ARL13B: variants seen among roughly 807,000 people sequenced by gnomAD.
ARL13B encodes the protein ARF like GTPase 13B.
In ARL13B, 36 loss-of-function variants were observed where a neutral mutation model predicts 56.1. The ratio of observed to expected loss-of-function variants is 0.64; its 90% confidence interval spans 0.49 to 0.85. The LOEUF (loss-of-function observed/expected upper bound fraction) is 0.85. Among genes scored for constraint, ARL13B ranks in the 40% least tolerant of loss-of-function variants. The pLI, the probability that ARL13B is intolerant of heterozygous loss-of-function variation, is 0.00. For missense variants in ARL13B, 519 were observed against 507.1 expected, an observed-to-expected ratio of 1.02 and a Z score of -0.23; for synonymous variants, 178 against 171.1, an observed-to-expected ratio of 1.04 and a Z score of -0.32.
intron 3 of ARL13B, among the ~76,000 whole-genome samples, chr3:94,022,322 T>C (rs1278371610): frequency 2.6e-5 from 4 of 151,814 alleles, no homozygotes; most frequent in Admixed American, 2.6e-4. Context: ...GATGGGGTTT[T>C]ACCATGTTGG....
At chr3:94,020,133 A>G (rs1368147878) in intron 3 of ARL13B, among the ~76,000 whole-genome samples, 2 of 152,166 alleles carry the variant, frequency 1.3e-5, no homozygotes, top group African/African-American at 4.8e-5. Flanking sequence ...TCATTCTGGT[A>G]CCTCATAGAG....
chr3:94,036,854 T>A, intron 5 of ARL13B, 100 bp downstream of exon 5: 1 of 1,336,686 alleles, frequency 7.5e-7, no homozygotes, highest in Non-Finnish European at 1.0e-6. Context: ...TTCTTCTTTC[T>A]GTGTGAAGGA....
rs576150684 is a variant in ARL13B, at chr3:94,043,509, A to G, written c.1024+269A>G. On this transcript the variant is annotated intron_variant, in intron 7 of 9. Transcript: ENST00000394222. ...TATTTTCATAAATTTGGGATACAGCATAGCTCTCAAGAATCCTTGGAATAG... is the reference window on the plus strand; with the variant it reads ...TATTTTCATAAATTTGGGATACAGCGTAGCTCTCAAGAATCCTTGGAATAG... Among the ~76,000 whole-genome samples the G allele has an allele frequency of 3.1e-5, 4 of 128,832 alleles. No individual in the cohort carries two copies. The South Asian group carries it at 8.4e-4, about 27-fold the overall frequency. The allele number at this position is 128,832 out of a possible 152,430, so 84.5% of individuals were successfully genotyped here.
intron 6 of ARL13B, among the ~76,000 whole-genome samples, chr3:94,042,288 G>A (rs1037519948): frequency 6.6e-6 from 1 of 151,956 alleles, no homozygotes; most frequent in African/African-American, 2.4e-5. Context: ...GGAAGTTTGT[G>A]ACTATATGTG....
In ARL13B at chr3:93,980,277, G is replaced by A; in HGVS notation, c.-147G>A. 9.6e-7 allele frequency: 1 copy of A among 1,037,936 alleles called. No homozygotes were observed. Among genetic ancestry groups the A allele is most frequent in the Admixed American group, 1.9e-5 (1 of 52,716 alleles). 64.3% of individuals were successfully genotyped at this position (1,037,936 alleles called of 1,614,324 possible). A position where few individuals can be genotyped will look rare whatever the true frequency, so the allele number is the denominator to read the frequency against. On this transcript the variant is annotated 5_prime_UTR_variant, in exon 1 of 10. Coordinates refer to ENST00000394222, the MANE Select transcript of ARL13B (RefSeq NM_001174150.2). ...GCGGTTAGCAAGGCTTAGTGCTCGG[G>A]CCGGCCGCCTTCACTTCCCTCCCGG...
intron 1 of ARL13B, among the ~76,000 whole-genome samples, chr3:93,985,827 A>G (rs1470456330): frequency 6.6e-6 from 1 of 152,146 alleles, no homozygotes; most frequent in Non-Finnish European, 1.5e-5. Flanking sequence ...AATACAACCT[A>G]TCAAAGCTTT....
intron 1 of ARL13B, among the ~76,000 whole-genome samples, chr3:93,981,825 T>C (rs1166478508): frequency 7.8e-6 from 1 of 127,724 alleles, no homozygotes; most frequent in East Asian, 2.3e-4. Context: ...AGTGAGCCGA[T>C]ATCGCTGCAC....
rs1444089953 is a variant in ARL13B at position 94,029,344 on chromosome 3, T to TA, written c.381-5987_381-5986insA. Among the ~76,000 whole-genome samples the TA allele has an allele frequency of 8.7e-4, 89 of 102,524 alleles. 1 individual carries two copies. Among genetic ancestry groups the TA allele is most frequent in the African/African-American group, 3.8e-3 (77 of 20,440 alleles). 67.3% of individuals were successfully genotyped at this position (102,524 alleles called of 152,430 possible). On this transcript the variant is annotated intron_variant, in intron 3 of 9. Coordinates refer to ENST00000394222, the MANE Select transcript of ARL13B (RefSeq NM_001174150.2). ...TATATATATATATATATTTATTTTTTTTTTATTTTTTTTTTTTTTTGAGAA... is the reference window on the plus strand; with the variant it reads ...TATATATATATATATATTTATTTTTTATTTTATTTTTTTTTTTTTTTGAGAA...
rs1560009991 is a variant in ARL13B, at chr3:94,043,065, C to CAGTGAT, written c.850_855dup (p.Ser284_Asp285dup). 1.2e-6 allele frequency: 2 copies of CAGTGAT among 1,612,674 alleles called. No individual in the cohort carries two copies. The highest frequency in any genetic ancestry group is 1.7e-6 in the Non-Finnish European group (2 of 1,179,726). ...AAAAAAACCAAAAAATGGAGAAAGA[C>CAGTGAT]AGTGATGGCTGCCACCTGAAACATA... On this transcript the variant is annotated inframe_insertion, in exon 7 of 10. Coordinates refer to ENST00000394222, the MANE Select transcript of ARL13B (RefSeq NM_001174150.2).
intron 7 of ARL13B, among the ~76,000 whole-genome samples, chr3:94,047,006 C>T (rs554419225): frequency 3.7e-4 from 57 of 152,080 alleles, no homozygotes; most frequent in African/African-American, 1.3e-3. Flanking sequence ...AGTTATGTAA[C>T]ATTCTTTAGT....
intron 3 of ARL13B, among the ~76,000 whole-genome samples, 169 bp downstream of exon 3, chr3:94,004,077 T>C (rs1322898234): frequency 1.3e-5 from 2 of 152,132 alleles, no homozygotes; most frequent in Non-Finnish European, 2.9e-5. Context: ...TATAGTGCTG[T>C]CTATAGGGGA....
intron 3 of ARL13B, among the ~76,000 whole-genome samples, chr3:94,009,866 T>C (rs980369593): frequency 4.6e-5 from 7 of 152,170 alleles, no homozygotes; most frequent in African/African-American, 1.7e-4. Flanking sequence ...CAATTGATTT[T>C]GTAGGTAATT....
chr3:94,026,492 C>T (rs1415181910), intron 3 of ARL13B, among the ~76,000 whole-genome samples: 1 of 152,106 alleles, frequency 6.6e-6, no homozygotes, highest in Non-Finnish European at 1.5e-5. Context: ...ATATAAATTA[C>T]ATTTTCTAGT....
chr3:94,049,529 A>G lies in ARL13B; in HGVS notation c.1141+7A>G, dbSNP rs2107192117. 6.7e-7 allele frequency: 1 copy of G among 1,482,868 alleles called. No homozygotes were observed. The highest frequency in any genetic ancestry group is 9.3e-7 in the Non-Finnish European group (1 of 1,072,362). 91.9% of individuals were successfully genotyped at this position (1,482,868 alleles called of 1,614,324 possible). A position where few individuals can be genotyped will look rare whatever the true frequency, so the allele number is the denominator to read the frequency against. On this transcript the variant is annotated splice_region_variant and intron_variant, in intron 8 of 9. Coordinates refer to ENST00000394222, the MANE Select transcript of ARL13B (RefSeq NM_001174150.2). The stretch of plus-strand genomic sequence containing the variant: ...CCCCCACCCCCTCCTCCTGGTGAGT[A>G]AATTGATACTGATACTGAATTTAGA...
intron 3 of ARL13B, among the ~76,000 whole-genome samples, chr3:94,014,092 G>A (rs1023043806): frequency 1.7e-4 from 26 of 152,162 alleles, no homozygotes; most frequent in Non-Finnish European, 8.8e-5. Context: ...GTATAATATA[G>A]AGCTTGATAC....
intron 7 of ARL13B, among the ~76,000 whole-genome samples, chr3:94,043,937 C>T (rs564615879): frequency 7.9e-5 from 12 of 151,756 alleles, no homozygotes; most frequent in East Asian, 2.0e-4. Context: ...GGATTGCAGA[C>T]GGAGTCTCGC....
chr3:94,042,876 A>C, intron 6 of ARL13B, 139 bp from the exon 7 acceptor site: 2 of 685,646 alleles, frequency 2.9e-6, no homozygotes, highest in Non-Finnish European at 4.9e-6. Flanking sequence ...TGATGTATTC[A>C]TGAAATCATT....
rs1158920897 is a variant in ARL13B at position 94,054,535 on chromosome 3, C to T, written c.*1272C>T. 2.5e-6 allele frequency: 1 copy of T among 394,246 alleles called. No individual in the cohort carries two copies. Among genetic ancestry groups the T allele is most frequent in the East Asian group, 7.5e-5 (1 of 13,304 alleles). 24.4% of individuals were successfully genotyped at this position (394,246 alleles called of 1,614,324 possible). On this transcript the variant is annotated 3_prime_UTR_variant, in exon 10 of 10. Coordinates refer to ENST00000394222, the MANE Select transcript of ARL13B (RefSeq NM_001174150.2). ...ATAAACAGAATGATTTTTATACCAC[C>T]TTGTTAAGATTGGTGCTTTTGGTAA...
Position 94,036,531 on chromosome 3 carries a change from T to C in ARL13B, c.487-21T>C, listed in dbSNP as rs2076770752. 3.7e-6 allele frequency: 6 copies of C among 1,611,664 alleles called. No individual in the cohort carries two copies. In the East Asian group the frequency reaches 1.3e-4, roughly 36 times the overall value. On this transcript the variant is annotated intron_variant, in intron 4 of 9. Coordinates refer to ENST00000394222, the MANE Select transcript of ARL13B (RefSeq NM_001174150.2). ...GTGTGGAGACCTTTTAATCTTTTAG[T>C]CAAATAAATTTCTGTTTTAGGAACC...
Sources: gnomAD v4.1 joint callset for allele counts (sites outside exome capture counted in the v4.1 genomes callset) on GRCh38, gnomAD v4.1.1 for gene constraint, MANE v1.5 for transcripts, NCBI Gene and HGNC (gene_info 2026-07-23, HGNC 2026-07-21) for gene names.